The following MAP4K3 variants were observed in gnomAD, a reference collection of about 807,000 sequenced individuals.
The protein encoded by MAP4K3 is mitogen-activated protein kinase kinase kinase kinase 3, also known as MAPK/ERK kinase kinase kinase 3.
A neutral mutation model predicts 143.5 loss-of-function variants in MAP4K3; 94 were observed. The observed-to-expected ratio is 0.65, with a 90% CI of 0.55 to 0.78. The LOEUF is 0.78. Among genes scored for constraint, MAP4K3 ranks in the 30% least tolerant of loss-of-function variants. The pLI, the probability that MAP4K3 is intolerant of heterozygous loss-of-function variation, is 0.00. For synonymous variants in MAP4K3, 416 were observed against 347.2 expected, an observed-to-expected ratio of 1.20 and a Z score of -2.20; for missense variants, 1,077 against 1,068.1, an observed-to-expected ratio of 1.01 and a Z score of -0.12.
Position 39,394,267 on chromosome 2 carries a change from T to C in MAP4K3, c.97-16144A>G, listed in dbSNP as rs936049662. On this transcript the variant is annotated intron_variant, in intron 1 of 33. Coordinates refer to ENST00000263881, the MANE Select transcript of MAP4K3 (RefSeq NM_003618.4). ...CTGGATATTTACTTCAATTGCATTA[T>C]AGTAATCTTGGGAGAAACATAAAGG... 3.3e-5 allele frequency among the ~76,000 whole-genome samples: 5 copies of C among 152,110 alleles called. No individual in the cohort carries two copies. The South Asian group carries it at 6.2e-4, about 19-fold the overall frequency.
intron 3 of MAP4K3, among the ~76,000 whole-genome samples, chr2:39,344,656 G>C (rs1665235650): frequency 1.3e-5 from 2 of 152,164 alleles, no homozygotes; most frequent in Non-Finnish European, 2.9e-5. Flanking sequence ...TTTGATGAAT[G>C]CATAATCCAG....
At chr2:39,382,654 G>C (rs1666383356) in intron 1 of MAP4K3, among the ~76,000 whole-genome samples, 1 of 152,124 alleles carries the variant, frequency 6.6e-6, no homozygotes, top group South Asian at 2.1e-4. Flanking sequence ...CATATAAAGA[G>C]TTTAAATACA....
rs528811784 is a variant in MAP4K3, at chr2:39,292,237, T to C, written c.1271+536A>G. Reference sequence around the variant, plus strand: ...CTGATAAATCTACAATAAAAAATTATTGTCCTTTGGAAAAAATGGACTGAA... The same window carrying C: ...CTGATAAATCTACAATAAAAAATTACTGTCCTTTGGAAAAAATGGACTGAA... On this transcript the variant is annotated intron_variant, in intron 18 of 33. Transcript: ENST00000263881. Among the ~76,000 whole-genome samples, 5 of 152,330 alleles carry C rather than the reference T, an allele frequency of 3.3e-5. 1 individual carries two copies. The East Asian group carries it at 7.7e-4, about 23-fold the overall frequency.
chr2:39,389,851 T>C (rs918579357), intron 1 of MAP4K3, among the ~76,000 whole-genome samples: 29 of 152,132 alleles, frequency 1.9e-4, no homozygotes, highest in Non-Finnish European at 1.5e-5. Context: ...CAATCTTGGG[T>C]AGAGATAAAC....
rs749101883 is a variant in MAP4K3 at position 39,309,548 on chromosome 2, A to ATTTTT, written c.998-34_998-30dup. 2,441 of 338,532 alleles carry ATTTTT rather than the reference A, an allele frequency of 7.2e-3. 25 individuals are homozygous for ATTTTT. Among genetic ancestry groups the ATTTTT allele is most frequent in the South Asian group, 9.4e-3 (367 of 38,942 alleles). The allele number at this position is 338,532 out of a possible 1,614,324, so 21.0% of individuals were successfully genotyped here. On this transcript the variant is annotated intron_variant, in intron 13 of 33. Transcript: ENST00000263881. Reference sequence around the variant, plus strand: ...AAAAAGAAAAAAAAGTAAAACCAGGATTTTTTTTTTTTTTTTTTTTTTTTT... The same window carrying ATTTTT: ...AAAAAGAAAAAAAAGTAAAACCAGGATTTTTTTTTTTTTTTTTTTTTTTTTTTTTT...
In MAP4K3 at chr2:39,250,591, G is replaced by C. The variant is rs1447105378; in HGVS notation, c.*27C>G. 1.9e-6 allele frequency: 3 copies of C among 1,596,738 alleles called. No individual in the cohort carries two copies. Among genetic ancestry groups the C allele is most frequent in the Non-Finnish European group, 2.6e-6 (3 of 1,165,144 alleles). Reference sequence around the variant, plus strand: ...GCAGTGGTAGTGTTCTTTCTTTCTAGAGTTAACTGTCAAAGCACAACAATT... The same window carrying C: ...GCAGTGGTAGTGTTCTTTCTTTCTACAGTTAACTGTCAAAGCACAACAATT... On this transcript the variant is annotated 3_prime_UTR_variant, in exon 34 of 34. Transcript: ENST00000263881.
intron 1 of MAP4K3, among the ~76,000 whole-genome samples, chr2:39,379,102 T>G (rs1432506934): frequency 6.6e-6 from 1 of 152,050 alleles, no homozygotes; most frequent in Non-Finnish European, 1.5e-5. Context: ...GATTTATTCC[T>G]AGTTGCAACA....
rs111260058 is a variant in MAP4K3, at chr2:39,311,785, A to G, written c.998-2266T>C. On this transcript the variant is annotated intron_variant, in intron 13 of 33. Coordinates refer to ENST00000263881, the MANE Select transcript of MAP4K3 (RefSeq NM_003618.4). Reference sequence around the variant, plus strand: ...GTGCAACTTTATGAGACCTTGAGCCAGAATCACTCAGCTAACCTGTCCTGG... The same window carrying G: ...GTGCAACTTTATGAGACCTTGAGCCGGAATCACTCAGCTAACCTGTCCTGG... Among the ~76,000 whole-genome samples, 198 of 152,364 alleles carry G rather than the reference A, an allele frequency of 1.3e-3. 3 individuals are homozygous for G. The highest frequency in any genetic ancestry group is 4.6e-3 in the African/African-American group (192 of 41,590).
At chr2:39,328,560 G>A (rs1412090234) in intron 8 of MAP4K3, among the ~76,000 whole-genome samples, 2 of 152,230 alleles carry the variant, frequency 1.3e-5, no homozygotes, top group East Asian at 1.9e-4. Flanking sequence ...CAGATGCTAC[G>A]GATGGAGGTA....
chr2:39,282,854 A>G (rs1211147590), intron 21 of MAP4K3, among the ~76,000 whole-genome samples: 1 of 152,244 alleles, frequency 6.6e-6, no homozygotes, highest in African/African-American at 2.4e-5. Flanking sequence ...ATGTTCCCAT[A>G]GAAAATAGTG....
chr2:39,350,071 C>CA (rs1251036406), intron 3 of MAP4K3, among the ~76,000 whole-genome samples: 2 of 152,128 alleles, frequency 1.3e-5, no homozygotes, highest in Non-Finnish European at 2.9e-5. Context: ...TGGTAACTAA[C>CA]AGAGGACAGG....
chr2:39,298,902 T>G (rs1464316600), intron 16 of MAP4K3, among the ~76,000 whole-genome samples: 1 of 150,640 alleles, frequency 6.6e-6, no homozygotes, highest in East Asian at 1.9e-4. Context: ...GAGGCGGAGG[T>G]TGAAGTGGGC....
At chr2:39,397,797 A>G (rs1431875118) in intron 1 of MAP4K3, among the ~76,000 whole-genome samples, 1 of 152,220 alleles carries the variant, frequency 6.6e-6, no homozygotes, top group East Asian at 1.9e-4. Context: ...AAATACACCC[A>G]TATAAAGAAT....
At chr2:39,342,993 G>T (rs1665185109) in intron 4 of MAP4K3, among the ~76,000 whole-genome samples, 1 of 152,066 alleles carries the variant, frequency 6.6e-6, no homozygotes. Flanking sequence ...GTATCTAAGA[G>T]AATAAACATT....
chr2:39,333,945 TTA>T (rs1683769782), intron 6 of MAP4K3, among the ~76,000 whole-genome samples: 1 of 150,200 alleles, frequency 6.7e-6, no homozygotes, highest in Admixed American at 6.8e-5. Flanking sequence ...TTAAACTTGA[TTA>T]TTGTTTCCCA....
intron 1 of MAP4K3, among the ~76,000 whole-genome samples, chr2:39,382,009 T>C (rs1006702212): frequency 2.0e-5 from 3 of 152,236 alleles, no homozygotes; most frequent in African/African-American, 7.2e-5. Context: ...AGGAAAATCC[T>C]GCAGGTCTAG....
intron 1 of MAP4K3, among the ~76,000 whole-genome samples, chr2:39,436,151 A>G (rs957572346): frequency 6.6e-6 from 1 of 152,254 alleles, no homozygotes; most frequent in Middle Eastern, 3.4e-3. Context: ...ATCTTCCCAC[A>G]TTTAGAAGTG....
intron 1 of MAP4K3, 110 bp downstream of exon 1, chr2:39,436,782 G>A: frequency 2.3e-6 from 2 of 888,724 alleles, no homozygotes; most frequent in East Asian, 2.8e-5. Context: ...CTCCCCGACT[G>A]CTCCCTGGCG....
chr2:39,388,862 T>A (rs1347292954), intron 1 of MAP4K3, among the ~76,000 whole-genome samples: 7 of 152,100 alleles, frequency 4.6e-5, no homozygotes, highest in Non-Finnish European at 2.9e-5. Flanking sequence ...GATAAACACA[T>A]CTTCAACCCA....
Sources: allele counts gnomAD v4.1 joint callset (sites outside exome capture counted in the v4.1 genomes callset), GRCh38; gene constraint gnomAD v4.1.1; transcripts MANE v1.5; gene names NCBI Gene and HGNC (gene_info 2026-07-23, HGNC 2026-07-21).